The following ABCC9 variants were observed in gnomAD, a reference collection of about 807,000 sequenced individuals.
ABCC9 encodes ATP-binding cassette sub-family C member 9.
In ABCC9, 95 loss-of-function variants were observed where a neutral mutation model predicts 188.3. The observed-to-expected ratio is 0.50, with a 90% CI of 0.43 to 0.60. The LOEUF is 0.60. Ranked by LOEUF, ABCC9 falls within the 20% of genes least tolerant of loss-of-function variation. ABCC9 has a pLI of 0.00. For missense variants in ABCC9, 1,102 were observed against 1,876.3 expected (o/e 0.59, Z 7.62); for synonymous variants, 659 against 652.7 (o/e 1.01, Z -0.15).
In ABCC9 at chr12:21,915,780, A is replaced by G. The variant is rs1448744880; in HGVS notation, c.704T>C (p.Ile235Thr). Residue 235 changes from isoleucine to threonine, a missense_variant, in exon 7 of 40, where the codon ATT (isoleucine) becomes ACT (threonine). Transcript: ENST00000261200. ...KATYWWMNTL[I>T]ISAHKKPIDL... ...AATAGGCTTTTTGTGAGCAGATATA[A>G]TAAGTGTGTTCATCCACCAGTATGT... The G allele has an allele frequency of 6.8e-6, 11 of 1,613,316 alleles. No homozygotes were observed. The highest frequency in any genetic ancestry group is 9.3e-6 in the Non-Finnish European group (11 of 1,179,810).
intron 5 of ABCC9, among the ~76,000 whole-genome samples, chr12:21,919,152 A>G (rs1948711279): frequency 6.6e-6 from 1 of 152,060 alleles, no homozygotes; most frequent in Admixed American, 6.6e-5. Context: ...AGAATAAAAA[A>G]GGATCCCCCA....
chr12:21,852,328 A>G, intron 23 of ABCC9, 40 bp downstream of exon 23: 1 of 1,612,134 alleles, frequency 6.2e-7, no homozygotes, highest in Non-Finnish European at 8.5e-7. Context: ...TTATATGACT[A>G]TAATATAAAA....
rs372504943 is a variant in ABCC9 at position 21,925,231 on chromosome 12, T to C, written c.406+711A>G. ...ATACTCCAAGGAATACAGTGATGGGTCAGAGTATTGAACATAACTCATATA... is the reference window on the plus strand; with the variant it reads ...ATACTCCAAGGAATACAGTGATGGGCCAGAGTATTGAACATAACTCATATA... On this transcript the variant is annotated intron_variant, in intron 5 of 39. Coordinates refer to ENST00000261200, the MANE Select transcript of ABCC9 (RefSeq NM_020297.4). The C allele has an allele frequency of 4.5e-4, 164 of 367,934 alleles. 1 individual carries two copies. The East Asian group carries it at 5.8e-3, about 13-fold the overall frequency. The allele number at this position is 367,934 out of a possible 1,614,324, so 22.8% of individuals were successfully genotyped here.
chr12:21,913,527 A>G (rs987186671), intron 7 of ABCC9, among the ~76,000 whole-genome samples: 9 of 152,206 alleles, frequency 5.9e-5, no homozygotes, highest in African/African-American at 2.2e-4. Context: ...AGGTTTGCCT[A>G]TCCAATAATT....
intron 14 of ABCC9, among the ~76,000 whole-genome samples, chr12:21,893,721 T>C (rs980967086): frequency 2.0e-5 from 3 of 152,080 alleles, no homozygotes; most frequent in Admixed American, 6.6e-5. Flanking sequence ...TTAAATAAAT[T>C]AGAATATTTC....
intron 14 of ABCC9, among the ~76,000 whole-genome samples, chr12:21,889,170 G>A (rs1947023008): frequency 6.6e-6 from 1 of 152,126 alleles, no homozygotes; most frequent in African/African-American, 2.4e-5. Flanking sequence ...GAAACATGAT[G>A]GAAGACGAAA....
At chr12:21,826,843 C>T (rs771658742) in intron 31 of ABCC9, among the ~76,000 whole-genome samples, 3 of 152,128 alleles carry the variant, frequency 2.0e-5, no homozygotes, top group Non-Finnish European at 2.9e-5. Flanking sequence ...TATCTTTGCC[C>T]ATCGGAAATG....
intron 16 of ABCC9, among the ~76,000 whole-genome samples, chr12:21,878,086 C>T (rs1946453401): frequency 6.6e-6 from 1 of 152,020 alleles, no homozygotes; most frequent in Non-Finnish European, 1.5e-5. Flanking sequence ...CAGTGACTGA[C>T]TAGTCTAATA....
intron 4 of ABCC9, among the ~76,000 whole-genome samples, chr12:21,927,778 A>G (rs1949099658): frequency 6.6e-6 from 1 of 152,230 alleles, no homozygotes; most frequent in Admixed American, 6.5e-5. Context: ...AGACATGGTA[A>G]TAAAAATGTG....
intron 5 of ABCC9, chr12:21,923,628 A>C (rs1431329947): frequency 1.8e-6 from 1 of 544,698 alleles, no homozygotes; most frequent in East Asian, 2.9e-5. Flanking sequence ...CAAGATCACC[A>C]AATGATGAAC....
intron 5 of ABCC9, chr12:21,925,646 C>A: frequency 1.6e-6 from 1 of 642,966 alleles, no homozygotes; most frequent in Non-Finnish European, 2.8e-6. Flanking sequence ...TTCTGCAAGC[C>A]AGAAGGCCAG....
Position 21,891,466 on chromosome 12 carries a change from G to A in ABCC9, c.1802+2566C>T, listed in dbSNP as rs1243485494. ...AATCAAATGGTGTTGGGTGCTGGGGGGTGTGAGGAGACAATCTGAATCACA... is the reference window on the plus strand; with the variant it reads ...AATCAAATGGTGTTGGGTGCTGGGGAGTGTGAGGAGACAATCTGAATCACA... On this transcript the variant is annotated intron_variant, in intron 14 of 39. Coordinates refer to ENST00000261200, the MANE Select transcript of ABCC9 (RefSeq NM_020297.4). Among the ~76,000 whole-genome samples, 13 of 152,088 alleles carry A rather than the reference G, an allele frequency of 8.5e-5. 1 individual carries two copies. The South Asian group carries it at 2.7e-3, about 32-fold the overall frequency.
chr12:21,929,752 G>A (rs971608859), intron 4 of ABCC9, among the ~76,000 whole-genome samples: 6 of 152,138 alleles, frequency 3.9e-5, no homozygotes, highest in Non-Finnish European at 8.8e-5. Context: ...GTAACTAGAA[G>A]AGTGTGTTAT....
At chr12:21,808,041 T>G (rs1448858061) in intron 37 of ABCC9, among the ~76,000 whole-genome samples, 2 of 152,088 alleles carry the variant, frequency 1.3e-5, no homozygotes, top group Non-Finnish European at 2.9e-5. Flanking sequence ...GTCCTCATTA[T>G]CCTTTTCTTT....
chr12:21,876,637 C>T (rs549099862), intron 16 of ABCC9, among the ~76,000 whole-genome samples: 1 of 152,218 alleles, frequency 6.6e-6, no homozygotes, highest in African/African-American at 2.4e-5. Context: ...ATAGTTTTAC[C>T]AGTTATACAA....
At chr12:21,924,957 T>G (rs749568819) in intron 5 of ABCC9, 1 of 152,192 alleles carries the variant, frequency 6.6e-6, no homozygotes, top group African/African-American at 2.4e-5. Context: ...ATCAATATCT[T>G]TCATGCATCC....
In ABCC9 at chr12:21,829,444, G is replaced by A. The variant is rs202004031; in HGVS notation, c.3567-384C>T. Among the ~76,000 whole-genome samples, 277 of 151,992 alleles carry A rather than the reference G, an allele frequency of 1.8e-3. 1 individual carries two copies. Among genetic ancestry groups the A allele is most frequent in the African/African-American group, 5.6e-3 (233 of 41,484 alleles). On this transcript the variant is annotated intron_variant, in intron 30 of 39. Transcript: ENST00000261200. ...TCTCGATCTCCTGACCTTGTGATCCGCCCACCTTGGCCTCCCAAAGTGCTG... is the reference window on the plus strand; with the variant it reads ...TCTCGATCTCCTGACCTTGTGATCCACCCACCTTGGCCTCCCAAAGTGCTG...
At chr12:21,809,655 A>G (rs17846784) in intron 37 of ABCC9, among the ~76,000 whole-genome samples, 197 bp downstream of exon 37, 1 of 152,156 alleles carries the variant, frequency 6.6e-6, no homozygotes, top group East Asian at 1.9e-4. Flanking sequence ...ATAGAACAGA[A>G]TTTGTTATCG....
intron 11 of ABCC9, among the ~76,000 whole-genome samples, 156 bp from the exon 12 acceptor site, chr12:21,906,444 C>G (rs754897915): frequency 2.0e-5 from 3 of 152,032 alleles, no homozygotes; most frequent in Non-Finnish European, 2.9e-5. Context: ...GCAATTAAAC[C>G]CTTTGTGCTT....
Sources: allele counts gnomAD v4.1 joint callset (sites outside exome capture counted in the v4.1 genomes callset), GRCh38; gene constraint gnomAD v4.1.1; transcripts MANE v1.5; gene names NCBI Gene and HGNC (gene_info 2026-07-23, HGNC 2026-07-21).